Variants in FTCDNL1 observed in about 807,000 individuals in gnomAD.
The protein encoded by FTCDNL1 is formiminotransferase cyclodeaminase N-terminal like.
In FTCDNL1, 11 loss-of-function variants were observed where a neutral mutation model predicts 5.9. The observed-to-expected ratio is 1.87, with a 90% CI of 1.18 to 3.10. The LOEUF is 3.10. Ranked by LOEUF, FTCDNL1 falls within the 30% of genes most tolerant of loss-of-function variation. FTCDNL1 has a pLI of 0.00. For synonymous variants in FTCDNL1, 58 were observed against 24.8 expected (o/e 2.34, Z -3.99); for missense variants, 115 against 65.5 (o/e 1.76, Z -2.61).
chr2:199,736,301 G>A, the FTCDNL1 span, among the ~76,000 whole-genome samples: 1 of 152,166 alleles, frequency 6.6e-6, no homozygotes, highest in Non-Finnish European at 1.5e-5. Flanking sequence ...GTTTTCATTT[G>A]TCTGCCCTTC....
the FTCDNL1 span, among the ~76,000 whole-genome samples, chr2:199,750,182 C>T: frequency 6.6e-6 from 1 of 151,270 alleles, no homozygotes; most frequent in Non-Finnish European, 1.5e-5. Context: ...GGCAAGATCC[C>T]CTCTCTATAA....
the FTCDNL1 span, among the ~76,000 whole-genome samples, chr2:199,669,030 C>G: frequency 1.3e-5 from 2 of 151,988 alleles, no homozygotes. Flanking sequence ...CGTAATAATT[C>G]TTTCTTACAA....
downstream of FTCDNL1, among the ~76,000 whole-genome samples, chr2:199,756,896 A>C: frequency 6.6e-6 from 1 of 152,242 alleles, no homozygotes; most frequent in South Asian, 2.1e-4. Flanking sequence ...GGAAAGAGGA[A>C]TTTCAAACCA....
chr2:199,687,032 T>C, the FTCDNL1 span, among the ~76,000 whole-genome samples: 10 of 152,246 alleles, frequency 6.6e-5, no homozygotes, highest in African/African-American at 2.4e-4. Context: ...AAATGGTTGA[T>C]ATTTTTAGCC....
chr2:199,764,748 T>C (rs1214593202), intron 3 of FTCDNL1, among the ~76,000 whole-genome samples: 1 of 152,184 alleles, frequency 6.6e-6, no homozygotes, highest in Non-Finnish European at 1.5e-5. Context: ...ATGTCCACAG[T>C]GCCCCTAGGC....
intron 3 of FTCDNL1, among the ~76,000 whole-genome samples, chr2:199,784,637 G>A (rs1699542904): frequency 6.6e-6 from 1 of 152,182 alleles, no homozygotes; most frequent in Middle Eastern, 3.2e-3. Flanking sequence ...ATCTCACTGG[G>A]AGCTGTTGGA....
At chr2:199,829,956 C>A (rs1211125200) in intron 3 of FTCDNL1, among the ~76,000 whole-genome samples, 1 of 151,728 alleles carries the variant, frequency 6.6e-6, no homozygotes, top group African/African-American at 2.4e-5. Context: ...AAATGATACT[C>A]AAAAAAGTAT....
downstream of FTCDNL1, among the ~76,000 whole-genome samples, chr2:199,807,561 T>C (rs1700794549): frequency 6.6e-6 from 1 of 152,042 alleles, no homozygotes; most frequent in Non-Finnish European, 1.5e-5. Flanking sequence ...CCCTTGAACC[T>C]GGAAGGTGGA....
chr2:199,815,324 T>G (rs2106476624), intron 4 of FTCDNL1, among the ~76,000 whole-genome samples: 1 of 152,320 alleles, frequency 6.6e-6, no homozygotes, highest in East Asian at 1.9e-4. Flanking sequence ...TAATATTCTT[T>G]GGGAACTTCA....
the FTCDNL1 span, among the ~76,000 whole-genome samples, chr2:199,671,167 C>CAAA: frequency 1.5e-5 from 2 of 136,154 alleles, no homozygotes; most frequent in African/African-American, 5.7e-5. Context: ...AAATCCATGG[C>CAAA]AAAAAAAAAA....
At chr2:199,819,498 G>A in intron 4 of FTCDNL1, 74 bp downstream of exon 4, 1 of 681,930 alleles carries the variant, frequency 1.5e-6, no homozygotes, top group Non-Finnish European at 2.6e-6. Flanking sequence ...CATTAACAGG[G>A]TGTGGCTCAT....
At chr2:199,832,638 C>A (rs1027881497) in intron 3 of FTCDNL1, among the ~76,000 whole-genome samples, 1 of 152,060 alleles carries the variant, frequency 6.6e-6, no homozygotes, top group Non-Finnish European at 1.5e-5. Flanking sequence ...TCAGAAGGTA[C>A]CTTATTTGGA....
the FTCDNL1 span, among the ~76,000 whole-genome samples, chr2:199,711,557 T>C: frequency 0.76 from 115,325 of 151,988 alleles, 43,931 homozygotes; most frequent in South Asian, 0.91. Flanking sequence ...TCTATTATGG[T>C]ATTTGGTTCT....
chr2:199,730,402 G>A, the FTCDNL1 span, among the ~76,000 whole-genome samples: 1 of 152,158 alleles, frequency 6.6e-6, no homozygotes, highest in Non-Finnish European at 1.5e-5. Flanking sequence ...GGGTTAATAG[G>A]CAATCTACAG....
intron 3 of FTCDNL1, among the ~76,000 whole-genome samples, chr2:199,762,279 TGA>T (rs1698309894): frequency 6.6e-6 from 1 of 152,154 alleles, no homozygotes; most frequent in South Asian, 2.1e-4. Context: ...CTCAGGAGGC[TGA>T]GGCAGGAGAA....
At chr2:199,737,111 G>A in the FTCDNL1 span, among the ~76,000 whole-genome samples, 130 of 152,318 alleles carry the variant, frequency 8.5e-4, no homozygotes, top group Non-Finnish European at 1.6e-3. Context: ...CTGTGATGTT[G>A]TTAAGAGCAA....
chr2:199,826,140 G>C (rs1036242582), intron 3 of FTCDNL1, among the ~76,000 whole-genome samples: 7 of 152,164 alleles, frequency 4.6e-5, no homozygotes, highest in African/African-American at 1.7e-4. Flanking sequence ...CTACAGTTCT[G>C]TAGCACTGCC....
chr2:199,835,583 G>A (rs927154189), intron 3 of FTCDNL1, among the ~76,000 whole-genome samples: 5 of 152,066 alleles, frequency 3.3e-5, no homozygotes, highest in East Asian at 1.9e-4. Flanking sequence ...GCCCATCAAC[G>A]TCATTAACAT....
the FTCDNL1 span, among the ~76,000 whole-genome samples, chr2:199,750,530 T>C: frequency 6.6e-6 from 1 of 152,168 alleles, no homozygotes; most frequent in African/African-American, 2.4e-5. Flanking sequence ...CACACCTAAC[T>C]GGTTCTGAGA....
Sources: gnomAD v4.1 joint callset for allele counts (sites outside exome capture counted in the v4.1 genomes callset) on GRCh38, gnomAD v4.1.1 for gene constraint, MANE v1.5 for transcripts, NCBI Gene and HGNC (gene_info 2026-07-23, HGNC 2026-07-21) for gene names.